The following TNS1 variants were observed in gnomAD, a reference collection of about 807,000 sequenced individuals.
The protein encoded by TNS1 is tensin 1.
A neutral mutation model predicts 168.6 loss-of-function variants in TNS1; 62 were observed. The observed-to-expected ratio is 0.37, with a 90% CI of 0.30 to 0.45. The LOEUF (loss-of-function observed/expected upper bound fraction) is 0.45, where lower values mean the gene tolerates loss of function less well. Among genes scored for constraint, TNS1 ranks in the 20% least tolerant of loss-of-function variants. The pLI, the probability that TNS1 is intolerant of heterozygous loss-of-function variation, is 1.00. For missense variants in TNS1, 2,240 were observed against 2,339.4 expected (o/e 0.96, Z 0.88); for synonymous variants, 934 against 933.2 (o/e 1.00, Z -0.02).
At chr2:217,982,854 T>G (rs1958090431) in intron 2 of TNS1, among the ~76,000 whole-genome samples, 1 of 152,216 alleles carries the variant, frequency 6.6e-6, no homozygotes, top group Non-Finnish European at 1.5e-5. Flanking sequence ...CCTACCTTGC[T>G]GCTTGGTGCC....
At chr2:217,832,516 C>T (rs2571441) in intron 21 of TNS1, among the ~76,000 whole-genome samples, 3,279 of 152,278 alleles carry the variant, frequency 0.022, 126 homozygotes, top group African/African-American at 0.075. Context: ...AGACCACAGC[C>T]CCAAGGATAC....
At position 217,995,193 on chromosome 2, in the gene TNS1, G is replaced by A. The variant is rs1317181033; in HGVS notation, c.34-4137C>T. On this transcript the variant is annotated intron_variant, in intron 1 of 32. Coordinates refer to ENST00000682258, the MANE Select transcript of TNS1 (RefSeq NM_001387777.1). The surrounding 1 kb of genome is among the most constrained non-coding windows in gnomAD (Gnocchi z 4.1). ...GCCACCTCCAGGCAAGTGGCCCCCA[G>A]GCTCTGCTGGCATCCACTTAGTTCC... Among the ~76,000 whole-genome samples the A allele has an allele frequency of 6.6e-6, 1 of 152,188 alleles. No homozygotes were observed. The highest frequency in any genetic ancestry group is 2.4e-5 in the African/African-American group (1 of 41,446).
rs1945151197 is a variant in TNS1 at position 217,836,201 on chromosome 2, A to C, written c.3018T>G (p.Ala1006=). ...GGGGCTCTGCAGGCTGCTTCTCCCG[A>C]GCCTGTACCCCTGGGAGGAAAGCAG... is the stretch of plus-strand genomic sequence containing the variant. The part of the protein sequence containing the change: ...LVAHRVAGVQ[A]REKQPAEPPA... Residue 1006 remains alanine (A), a synonymous_variant, in exon 20 of 33, where the codon GCT becomes GCG. Transcript: ENST00000682258. 6.2e-7 allele frequency: 1 copy of C among 1,609,722 alleles called. No individual in the cohort carries two copies. The highest frequency in any genetic ancestry group is 1.3e-5 in the African/African-American group (1 of 74,762).
upstream of TNS1, among the ~76,000 whole-genome samples, chr2:218,006,670 G>A (rs1455574695): frequency 6.6e-6 from 1 of 152,188 alleles, no homozygotes; most frequent in Non-Finnish European, 1.5e-5. Flanking sequence ...CCCCAGCTGA[G>A]GGGGATGCCC....
intron 12 of TNS1, chr2:217,890,729 C>T: frequency 3.4e-6 from 2 of 585,084 alleles, no homozygotes; most frequent in South Asian, 4.0e-5. Flanking sequence ...TGCTCTCTAG[C>T]ACAGGCCTCA....
intron 3 of TNS1, among the ~76,000 whole-genome samples, chr2:217,975,851 G>C (rs1324131183): frequency 1.3e-5 from 2 of 152,090 alleles, no homozygotes; most frequent in South Asian, 4.2e-4. Flanking sequence ...GCTCTCTCGA[G>C]TGGGCAACAT....
chr2:217,937,335 C>T (rs1956669124), intron 3 of TNS1, among the ~76,000 whole-genome samples: 1 of 152,158 alleles, frequency 6.6e-6, no homozygotes, highest in Admixed American at 6.5e-5. Flanking sequence ...GCTGCTGCCG[C>T]ACAGCGTCCA....
intron 18 of TNS1, among the ~76,000 whole-genome samples, chr2:217,854,473 A>G (rs1947889220): frequency 6.6e-6 from 1 of 152,188 alleles, no homozygotes; most frequent in African/African-American, 2.4e-5. Flanking sequence ...GCAAATAACA[A>G]TTCATTAAAA....
intron 19 of TNS1, chr2:217,842,001 G>A (rs1215440504): frequency 1.4e-6 from 1 of 696,544 alleles, no homozygotes; most frequent in Non-Finnish European, 2.6e-6. Flanking sequence ...GGGGCCACAG[G>A]AGTGGCCAAC....
chr2:217,926,146 A>C (rs1956012919), intron 3 of TNS1, among the ~76,000 whole-genome samples: 1 of 152,172 alleles, frequency 6.6e-6, no homozygotes, highest in Non-Finnish European at 1.5e-5. Flanking sequence ...CGGCATCTCC[A>C]AGCCAAGAAG....
chr2:217,818,646 G>T lies in TNS1; in HGVS notation c.3686C>A (p.Pro1229Gln). The T allele has an allele frequency of 6.2e-7, 1 of 1,614,028 alleles. No homozygotes were observed. The highest frequency in any genetic ancestry group is 8.5e-7 in the Non-Finnish European group (1 of 1,179,872). The change falls in exon 24 of 33, where the codon CCG becomes CAG. Residue 1229 changes from proline (P) to glutamine (Q), a missense_variant. Transcript: ENST00000682258. The stretch of plus-strand genomic sequence containing the variant: ...GCTCTGGTAGTTTCTCTGGGCAGAC[G>T]GGCTGGGCTGTCCCAGGCTGCCTGA... ...FRSGSLGQPS[P>Q]SAQRNYQSSS...
intron 18 of TNS1, among the ~76,000 whole-genome samples, chr2:217,866,791 C>T (rs531285917): frequency 6.6e-6 from 1 of 152,262 alleles, no homozygotes; most frequent in Non-Finnish European, 1.5e-5. Context: ...GCTGGCCTCT[C>T]CCCTCCCCCA....
chr2:217,978,260 G>C (rs945138799), intron 3 of TNS1, among the ~76,000 whole-genome samples: 1 of 152,162 alleles, frequency 6.6e-6, no homozygotes, highest in Non-Finnish European at 1.5e-5. Flanking sequence ...GGCGGTTCCA[G>C]ACCAGCCAAT....
rs1330052729 is a variant in TNS1, at chr2:217,949,489, T to G, written c.187-29253A>C. ...TTTTGAGGCTTCTAGACCAGATAAC[T>G]GGGGAATCCCCAGATCTAGACTATC... On this transcript the variant is annotated intron_variant, in intron 3 of 32. Coordinates refer to ENST00000682258, the MANE Select transcript of TNS1 (RefSeq NM_001387777.1). Among the ~76,000 whole-genome samples, 122 of 152,202 alleles carry G rather than the reference T, an allele frequency of 8.0e-4. 1 individual carries two copies. Among genetic ancestry groups the G allele is most frequent in the Admixed American group, 8.0e-3 (122 of 15,286 alleles).
At position 217,847,820 on chromosome 2, in the gene TNS1, T is replaced by C; in HGVS notation, c.2697A>G (p.Gly899=). 6.3e-7 allele frequency: 1 copy of C among 1,596,658 alleles called. No homozygotes were observed. Among genetic ancestry groups the C allele is most frequent in the South Asian group, 1.1e-5 (1 of 90,566 alleles). The change falls in exon 19 of 33, where the codon GGA becomes GGG. Residue 899 remains glycine (G), a synonymous_variant. Coordinates refer to ENST00000682258, the MANE Select transcript of TNS1 (RefSeq NM_001387777.1). ...AGGCCCGTGGGGCTGGCTCAGGGGT[T>C]CCCAACGAATGCCCACTGGGGATAT... ...SGYIPSGHSL[G]TPEPAPRASL...
chr2:217,932,551 A>G (rs896702788), intron 3 of TNS1, among the ~76,000 whole-genome samples: 4 of 152,186 alleles, frequency 2.6e-5, no homozygotes, highest in Non-Finnish European at 4.4e-5. Context: ...AGTAAATTCT[A>G]TGCACTGGGC....
chr2:217,848,600 G>A lies in TNS1; in HGVS notation c.1917C>T (p.Gly639=), dbSNP rs745829089. 8.1e-6 allele frequency: 13 copies of A among 1,614,062 alleles called. No homozygotes were observed. Among genetic ancestry groups the A allele is most frequent in the Non-Finnish European group, 1.1e-5 (13 of 1,180,024 alleles). ...ELPNQDGHSA[G]SMGTLSSLDG... The stretch of plus-strand genomic sequence containing the variant: ...CCAGAGAAGAGAGTGTGCCCATGCT[G>A]CCCGCACTGTGACCATCCTGGTTTG... The change falls in exon 19 of 33, where the codon GGC becomes GGT. Residue 639 remains glycine, a synonymous_variant. Transcript: ENST00000682258.
rs575795538 is a variant in TNS1 at position 217,976,330 on chromosome 2, G to T, written c.186+2435C>A. Among the ~76,000 whole-genome samples the T allele has an allele frequency of 2.4e-4, 36 of 152,332 alleles. 1 individual carries two copies. The South Asian group carries it at 4.1e-3, about 18-fold the overall frequency. The stretch of plus-strand genomic sequence containing the variant: ...ACAAGATGACCTCAAGGTTGACGAG[G>T]CTATAAAATCCACAGTATAGAGCTC... On this transcript the variant is annotated intron_variant, in intron 3 of 32. Transcript: ENST00000682258.
intron 3 of TNS1, among the ~76,000 whole-genome samples, chr2:217,967,448 A>T (rs753158407): frequency 2.3e-4 from 35 of 152,180 alleles, no homozygotes; most frequent in Non-Finnish European, 2.9e-4. Flanking sequence ...ATTAAGATTC[A>T]AAGAAAGAAG....
Sources: allele counts gnomAD v4.1 joint callset (sites outside exome capture counted in the v4.1 genomes callset), GRCh38; gene constraint gnomAD v4.1.1; non-coding constraint Gnocchi (gnomAD v3.1); transcripts MANE v1.5; gene names NCBI Gene and HGNC (gene_info 2026-07-23, HGNC 2026-07-21).